The following SIAH1 variants were observed in gnomAD, a reference collection of about 807,000 sequenced individuals.
SIAH1 encodes siah E3 ubiquitin protein ligase 1, also known as E3 ubiquitin-protein ligase SIAH1.
A neutral mutation model predicts 20.0 loss-of-function variants in SIAH1; 2 were observed. The observed-to-expected ratio is 0.10, with a 90% CI of 0.04 to 0.31. The LOEUF (loss-of-function observed/expected upper bound fraction) is 0.31. Ranked by LOEUF, SIAH1 falls within the 10% of genes least tolerant of loss-of-function variation. SIAH1 has a pLI of 1.00. For synonymous variants in SIAH1, 118 were observed against 125.3 expected, an observed-to-expected ratio of 0.94 and a Z score of 0.39; for missense variants, 119 against 355.3, an observed-to-expected ratio of 0.33 and a Z score of 5.35.
At chr16:48,365,527 C>A in intron 1 of SIAH1, 1 of 1,589,880 alleles carries the variant, frequency 6.3e-7, no homozygotes, top group Non-Finnish European at 8.5e-7. Context: ...AAGGAACAGG[C>A]CCCTCCTGGG....
rs889264813 is a variant in SIAH1, at chr16:48,362,682, G to A, written c.-2-252C>T. 2 of 433,908 alleles carry A rather than the reference G, an allele frequency of 4.6e-6. No individual in the cohort carries two copies. The highest frequency in any genetic ancestry group is 4.3e-6 in the Non-Finnish European group (1 of 232,552). 26.9% of individuals were successfully genotyped at this position (433,908 alleles called of 1,614,324 possible). On this transcript the variant is annotated intron_variant, in intron 1 of 1. Coordinates refer to ENST00000394725, the MANE Select transcript of SIAH1 (RefSeq NM_003031.4). The surrounding 1 kb of genome is among the most constrained non-coding windows in gnomAD (Gnocchi z 4.2). ...GAAAACATGTGGAACTCCCTTAATC[G>A]TCTTTGGATAGACTACATAGAATAA...
At chr16:48,383,629 G>A (rs1480543260) in intron 1 of SIAH1, among the ~76,000 whole-genome samples, 1 of 152,136 alleles carries the variant, frequency 6.6e-6, no homozygotes, top group Non-Finnish European at 1.5e-5. Flanking sequence ...GCTAAGAGAA[G>A]ACCTCATTTT....
At chr16:48,372,831 G>T (rs1033104363) in intron 1 of SIAH1, among the ~76,000 whole-genome samples, 1 of 152,168 alleles carries the variant, frequency 6.6e-6, no homozygotes, top group African/African-American at 2.4e-5. Context: ...CTAAAATTCA[G>T]CCTGACAGTA....
chr16:48,361,471 G>A lies in SIAH1; in HGVS notation c.*109C>T, dbSNP rs1960589901. On this transcript the variant is annotated 3_prime_UTR_variant, in exon 2 of 2. Coordinates refer to ENST00000394725, the MANE Select transcript of SIAH1 (RefSeq NM_003031.4). ...CCTTTCTTTTTATTTACCTTCATGT[G>A]TCTAGCTTCCACCTACCGAAAGAGT... is the stretch of plus-strand genomic sequence containing the variant. The A allele has an allele frequency of 9.5e-7, 1 of 1,049,854 alleles. No individual in the cohort carries two copies. Among genetic ancestry groups the A allele is most frequent in the Non-Finnish European group, 1.4e-6 (1 of 690,156 alleles). 65.0% of individuals were successfully genotyped at this position (1,049,854 alleles called of 1,614,324 possible). A position where few individuals can be genotyped will look rare whatever the true frequency, so the allele number is the denominator to read the frequency against.
intron 1 of SIAH1, among the ~76,000 whole-genome samples, chr16:48,369,727 G>A (rs1318577620): frequency 6.6e-6 from 1 of 152,184 alleles, no homozygotes; most frequent in Non-Finnish European, 1.5e-5. Context: ...GTCTGGGAAA[G>A]AATAAATAAA....
At chr16:48,372,137 A>G (rs1301180995) in intron 1 of SIAH1, among the ~76,000 whole-genome samples, 2 of 152,212 alleles carry the variant, frequency 1.3e-5, no homozygotes, top group Non-Finnish European at 2.9e-5. Flanking sequence ...GAAACAGGGT[A>G]AAAAGTCACA....
upstream of SIAH1, among the ~76,000 whole-genome samples, chr16:48,386,201 T>A (rs77026503): frequency 0.012 from 1,865 of 152,322 alleles, 40 homozygotes; most frequent in African/African-American, 0.042. Context: ...GAATTCCATG[T>A]AAGATCTATT....
At chr16:48,371,155 C>A (rs960822408) in intron 1 of SIAH1, among the ~76,000 whole-genome samples, 15 of 151,908 alleles carry the variant, frequency 9.9e-5, no homozygotes, top group African/African-American at 3.6e-4. Flanking sequence ...CTGGCACATG[C>A]CTGTAGTCTC....
chr16:48,382,127 A>G (rs943945330), intron 1 of SIAH1, among the ~76,000 whole-genome samples: 24 of 152,212 alleles, frequency 1.6e-4, no homozygotes, highest in Admixed American at 2.6e-4. Context: ...CTGTAATCTC[A>G]GCACTTTGGG....
intron 1 of SIAH1, among the ~76,000 whole-genome samples, chr16:48,367,940 T>C (rs979711384): frequency 1.3e-5 from 2 of 152,154 alleles, no homozygotes; most frequent in Admixed American, 6.5e-5. Flanking sequence ...ATAGTTTAAG[T>C]AGATGTCAAT....
chr16:48,379,743 G>A (rs913086267), intron 1 of SIAH1, among the ~76,000 whole-genome samples: 2 of 152,208 alleles, frequency 1.3e-5, no homozygotes, highest in African/African-American at 4.8e-5. Context: ...TGGGAACACA[G>A]AGATGACATC....
chr16:48,372,800 C>T (rs1173748814), intron 1 of SIAH1, among the ~76,000 whole-genome samples: 1 of 152,184 alleles, frequency 6.6e-6, no homozygotes, highest in Non-Finnish European at 1.5e-5. Flanking sequence ...GTAAGTCAAT[C>T]CCATAAGTGC....
At chr16:48,380,506 T>TA (rs535523241) in intron 1 of SIAH1, among the ~76,000 whole-genome samples, 8 of 149,138 alleles carry the variant, frequency 5.4e-5, no homozygotes, top group African/African-American at 1.5e-4. Flanking sequence ...CAACCCAACC[T>TA]AAAAAAAAGA....
chr16:48,365,991 G>T (rs976245673), intron 1 of SIAH1: 1 of 948,746 alleles, frequency 1.1e-6, no homozygotes. Flanking sequence ...TTCAGGGCGC[G>T]CGGCGCACAG....
chr16:48,383,806 C>CTG (rs1961359602), intron 1 of SIAH1, among the ~76,000 whole-genome samples: 1 of 152,224 alleles, frequency 6.6e-6, no homozygotes, highest in East Asian at 1.9e-4. Context: ...CACTAAAGAT[C>CTG]TGTGACCTGA....
intron 1 of SIAH1, among the ~76,000 whole-genome samples, chr16:48,368,760 T>C: frequency 6.7e-6 from 1 of 149,984 alleles, no homozygotes; most frequent in African/African-American, 2.4e-5. Context: ...AAAGAAAGGG[T>C]AGGATGCAAT....
intron 1 of SIAH1, chr16:48,363,146 T>C (rs1960671383): frequency 6.0e-6 from 1 of 167,056 alleles, no homozygotes. Context: ...CTAGAACTAA[T>C]CCGAGGATAC....
intron 1 of SIAH1, among the ~76,000 whole-genome samples, chr16:48,368,186 C>T (rs1429932056): frequency 1.3e-5 from 2 of 152,058 alleles, no homozygotes; most frequent in Non-Finnish European, 2.9e-5. Flanking sequence ...ACAAATAGAA[C>T]ACAGACGTGA....
chr16:48,365,656 A>C, intron 1 of SIAH1: 1 of 1,433,102 alleles, frequency 7.0e-7, no homozygotes, highest in African/African-American at 1.4e-5. Flanking sequence ...TTCCATCCCC[A>C]GGAGGCAACC....
Sources: gnomAD v4.1 joint callset for allele counts (sites outside exome capture counted in the v4.1 genomes callset) on GRCh38, gnomAD v4.1.1 for gene constraint, Gnocchi (gnomAD v3.1) non-coding constraint, MANE v1.5 for transcripts, NCBI Gene and HGNC (gene_info 2026-07-23, HGNC 2026-07-21) for gene names.